The following IGFALS variants were observed in gnomAD, a reference collection of about 807,000 sequenced individuals.
The protein encoded by IGFALS is insulin like growth factor binding protein acid labile subunit, also known as insulin-like growth factor-binding protein complex acid labile subunit.
IGFALS carries 2 observed loss-of-function variants against 2.6 expected under a neutral mutation model. The observed-to-expected ratio is 0.77, with a 90% CI of 0.32 to 2.44. The LOEUF (loss-of-function observed/expected upper bound fraction) is 2.44. IGFALS is among the 30% of genes most tolerant of loss of function. The pLI, the probability that IGFALS is intolerant of heterozygous loss-of-function variation, is 0.11. For missense variants in IGFALS, 996 were observed against 848.7 expected, an observed-to-expected ratio of 1.17 and a Z score of -2.16; for synonymous variants, 519 against 431.9, an observed-to-expected ratio of 1.20 and a Z score of -2.50.
In IGFALS at chr16:1,793,693, G is replaced by A; in HGVS notation, c.-41C>T. The A allele has an allele frequency of 6.4e-7, 1 of 1,571,398 alleles. No individual in the cohort carries two copies. The highest frequency in any genetic ancestry group is 8.6e-7 in the Non-Finnish European group (1 of 1,157,088). ...GGCTGCAGGCAGGCAGCGAGGGAGGGTACGTCTGCTGTGCCGGCCACCCCT... is the reference window on the plus strand; with the variant it reads ...GGCTGCAGGCAGGCAGCGAGGGAGGATACGTCTGCTGTGCCGGCCACCCCT... On this transcript the variant is annotated 5_prime_UTR_variant, in exon 1 of 2. Coordinates refer to ENST00000215539, the MANE Select transcript of IGFALS (RefSeq NM_004970.3).
chr16:1,790,420 C>G lies in IGFALS; in HGVS notation c.*180G>C, dbSNP rs112325769. The G allele has an allele frequency of 9.0e-6, 6 of 664,672 alleles. No homozygotes were observed. Among genetic ancestry groups the G allele is most frequent in the African/African-American group, 3.5e-5 (2 of 56,402 alleles). The allele number at this position is 664,672 out of a possible 1,614,324, so 41.2% of individuals were successfully genotyped here. On this transcript the variant is annotated 3_prime_UTR_variant, in exon 2 of 2. Transcript: ENST00000215539. ...AGTCACCCACTGTGCCTGTTAGATT[C>G]GATTGCCTTTGCCTTTAATTGATGA...
At chr16:1,794,819 A>G (rs544111874), upstream of IGFALS, 201 of 701,922 alleles carry the variant, frequency 2.9e-4, no homozygotes, top group African/African-American at 3.0e-3. Context: ...GCCCTACCCC[A>G]TCCTCAGCTC....
At chr16:1,792,422 G>A in intron 1 of IGFALS, 21 bp from the exon 2 acceptor site, 3 of 1,533,158 alleles carry the variant, frequency 2.0e-6, no homozygotes, top group Non-Finnish European at 2.6e-6. Context: ...AGAGGCTTGG[G>A]GAGGCGGCCC....
Position 1,791,794 on chromosome 16 carries a change from G to A in IGFALS, c.624C>T (p.Tyr208=). 2 of 1,548,924 alleles carry A rather than the reference G, an allele frequency of 1.3e-6. No homozygotes were observed. The highest frequency in any genetic ancestry group is 1.7e-6 in the Non-Finnish European group (2 of 1,149,994). Residue 208 remains tyrosine (Y), a synonymous_variant, in exon 2 of 2, where the codon TAC becomes TAT. Transcript: ENST00000215539. ...ELVLAGNRLA[Y]LQPALFSGLA... ...GGCCGCTGAAGAGCGCGGGCTGCAG[G>A]TAGGCCAGCCTGTTGCCCGCCAGCA...
In IGFALS at chr16:1,791,739, T is replaced by C; in HGVS notation, c.679A>G (p.Arg227Gly). The change falls in exon 2 of 2, where the codon AGG (arginine) becomes GGG (glycine). Residue 227 changes from arginine (R) to glycine (G), a missense_variant. Transcript: ENST00000215539. ...GCCTTGATGGCCCGCAGCGCGTTCC[T>C]GCTCAGGTCCAGCTCCCGGAGCTCG... ...LAELRELDLSRNALRAIKANV... is the reference protein window; with the variant it reads ...LAELRELDLSGNALRAIKANV... 1 of 1,553,952 alleles carries C rather than the reference T, an allele frequency of 6.4e-7. No homozygotes were observed. The highest frequency in any genetic ancestry group is 8.7e-7 in the Non-Finnish European group (1 of 1,153,852).
upstream of IGFALS, chr16:1,793,828 C>G: frequency 1.7e-6 from 1 of 571,974 alleles, no homozygotes; most frequent in Non-Finnish European, 3.1e-6. Context: ...CGGCATCAGC[C>G]CGGAGCCCTG....
In IGFALS at chr16:1,791,530, C is replaced by T; in HGVS notation, c.888G>A (p.Arg296=). 6.3e-7 allele frequency: 1 copy of T among 1,591,638 alleles called. No homozygotes were observed. Among genetic ancestry groups the T allele is most frequent in the Non-Finnish European group, 8.5e-7 (1 of 1,170,384 alleles). The change falls in exon 2 of 2, where the codon CGG becomes CGA. Residue 296 remains arginine (R), a synonymous_variant. Coordinates refer to ENST00000215539, the MANE Select transcript of IGFALS (RefSeq NM_004970.3). Reference sequence around the variant, plus strand: ...GGCTGGCGATGGCGTTGTGGGACAGCCGCAGCACACGCAGGCCCAGCAGAC... The same window carrying T: ...GGCTGGCGATGGCGTTGTGGGACAGTCGCAGCACACGCAGGCCCAGCAGAC... The part of the protein sequence containing the change: ...FPGLLGLRVL[R]LSHNAIASLR...
chr16:1,794,664 C>T (rs1427295517), upstream of IGFALS, among the ~76,000 whole-genome samples: 1 of 152,210 alleles, frequency 6.6e-6, no homozygotes, highest in Admixed American at 6.5e-5. Context: ...AGCCCCTCCC[C>T]TCCAGGTCCC....
At position 1,793,309 on chromosome 16, in the gene IGFALS, C is replaced by A. The variant is rs908150029; in HGVS notation, c.16+328G>T. Among the ~76,000 whole-genome samples, 16 of 152,228 alleles carry A rather than the reference C, an allele frequency of 1.1e-4. No individual in the cohort carries two copies. The East Asian group carries it at 2.3e-3, about 22-fold the overall frequency. On this transcript the variant is annotated intron_variant, in intron 1 of 1. Transcript: ENST00000215539. ...GCCAACGTCTCCTGCCTGGGCCGGG[C>A]CCACAACGCGGGCCGTGCGGGGCAC... is the stretch of plus-strand genomic sequence containing the variant.
Position 1,791,753 on chromosome 16 carries a change from T to C in IGFALS, c.665A>G (p.Glu222Gly). 6.5e-7 allele frequency: 1 copy of C among 1,550,380 alleles called. No individual in the cohort carries two copies. Among genetic ancestry groups the C allele is most frequent in the Non-Finnish European group, 8.7e-7 (1 of 1,151,916 alleles). ...ALFSGLAELR[E>G]LDLSRNALRA... Reference sequence around the variant, plus strand: ...CAGCGCGTTCCTGCTCAGGTCCAGCTCCCGGAGCTCGGCCAGGCCGCTGAA... The same window carrying C: ...CAGCGCGTTCCTGCTCAGGTCCAGCCCCCGGAGCTCGGCCAGGCCGCTGAA... Residue 222 changes from glutamate to glycine, a missense_variant, in exon 2 of 2, where the codon GAG (glutamate) becomes GGG (glycine). Coordinates refer to ENST00000215539, the MANE Select transcript of IGFALS (RefSeq NM_004970.3).
At position 1,793,683 on chromosome 16, in the gene IGFALS, G is replaced by A. The variant is rs1328204098; in HGVS notation, c.-31C>T. 1.3e-6 allele frequency: 2 copies of A among 1,580,782 alleles called. No individual in the cohort carries two copies. The highest frequency in any genetic ancestry group is 8.6e-7 in the Non-Finnish European group (1 of 1,162,792). On this transcript the variant is annotated 5_prime_UTR_variant, in exon 1 of 2. Coordinates refer to ENST00000215539, the MANE Select transcript of IGFALS (RefSeq NM_004970.3). ...ATGCAGGGCAGGCTGCAGGCAGGCAGCGAGGGAGGGTACGTCTGCTGTGCC... is the reference window on the plus strand; with the variant it reads ...ATGCAGGGCAGGCTGCAGGCAGGCAACGAGGGAGGGTACGTCTGCTGTGCC...
Position 1,790,918 on chromosome 16 carries a change from G to A in IGFALS, c.1500C>T (p.Ser500=), listed in dbSNP as rs1318537837. The stretch of plus-strand genomic sequence containing the variant: ...GCAGCCGCCCCAGTGGTGCCAAGAG[G>A]CTGTTGGGCAATGCCTCCAGGCGGT... ...SHNRLEALPN[S]LLAPLGRLRY... The change falls in exon 2 of 2, where the codon AGC becomes AGT. Residue 500 remains serine, a synonymous_variant. Coordinates refer to ENST00000215539, the MANE Select transcript of IGFALS (RefSeq NM_004970.3). 5.7e-6 allele frequency: 9 copies of A among 1,590,228 alleles called. No individual in the cohort carries two copies. Among genetic ancestry groups the A allele is most frequent in the Non-Finnish European group, 7.7e-6 (9 of 1,174,584 alleles).
At position 1,791,360 on chromosome 16, in the gene IGFALS, A is replaced by G; in HGVS notation, c.1058T>C (p.Val353Ala). The change falls in exon 2 of 2, where the codon GTC becomes GCC. Residue 353 changes from valine (V) to alanine (A), a missense_variant. By Grantham distance (64) the Val-to-Ala change is moderately conservative. Transcript: ENST00000215539. ...LTLDHNQLQE[V>A]KAGAFLGLTN... Reference sequence around the variant, plus strand: ...GAGGCCGAGGAAAGCGCCCGCCTTGACCTCCTGGAGCTGGTTGTGGTCTAG... The same window carrying G: ...GAGGCCGAGGAAAGCGCCCGCCTTGGCCTCCTGGAGCTGGTTGTGGTCTAG... 1 of 1,608,698 alleles carries G rather than the reference A, an allele frequency of 6.2e-7. No homozygotes were observed. The highest frequency in any genetic ancestry group is 1.1e-5 in the South Asian group (1 of 91,066).
rs1352546529 is a variant in IGFALS, at chr16:1,790,932, C to A, written c.1486G>T (p.Ala496Ser). The A allele has an allele frequency of 1.3e-6, 2 of 1,593,108 alleles. No individual in the cohort carries two copies. Among genetic ancestry groups the A allele is most frequent in the Admixed American group, 1.7e-5 (1 of 58,722 alleles). ...WLDVSHNRLE[A>S]LPNSLLAPLG... Reference sequence around the variant, plus strand: ...GGTGCCAAGAGGCTGTTGGGCAATGCCTCCAGGCGGTTGTGCGAGACGTCC... The same window carrying A: ...GGTGCCAAGAGGCTGTTGGGCAATGACTCCAGGCGGTTGTGCGAGACGTCC... The change falls in exon 2 of 2, where the codon GCA becomes TCA. Residue 496 changes from alanine (A) to serine (S), a missense_variant. By Grantham distance (99) the Ala-to-Ser change is moderately conservative (BLOSUM62 1). Coordinates refer to ENST00000215539, the MANE Select transcript of IGFALS (RefSeq NM_004970.3).
rs764871476 is a variant in IGFALS, at chr16:1,791,329, G to A, written c.1089C>T (p.Asn363=). The A allele has an allele frequency of 3.6e-5, 58 of 1,608,380 alleles. No individual in the cohort carries two copies. Among genetic ancestry groups the A allele is most frequent in the African/African-American group, 1.7e-4 (13 of 74,930 alleles). ...VKAGAFLGLT[N]VAVMNLSGNC... Reference sequence around the variant, plus strand: ...TCCCAGAGAGGTTCATGACCGCCACGTTGGTGAGGCCGAGGAAAGCGCCCG... The same window carrying A: ...TCCCAGAGAGGTTCATGACCGCCACATTGGTGAGGCCGAGGAAAGCGCCCG... The change falls in exon 2 of 2, where the codon AAC becomes AAT. Residue 363 remains asparagine, a synonymous_variant. Transcript: ENST00000215539.
Position 1,790,538 on chromosome 16 carries a change from G to C in IGFALS, c.*62C>G, listed in dbSNP as rs1026392833. On this transcript the variant is annotated 3_prime_UTR_variant, in exon 2 of 2. Coordinates refer to ENST00000215539, the MANE Select transcript of IGFALS (RefSeq NM_004970.3). Reference sequence around the variant, plus strand: ...AGGCCCCTGAGGACACTGAGGACCTGTCCCCAGCACAAGGTGAGCCAGGTG... The same window carrying C: ...AGGCCCCTGAGGACACTGAGGACCTCTCCCCAGCACAAGGTGAGCCAGGTG... The C allele has an allele frequency of 3.5e-6, 5 of 1,408,856 alleles. No individual in the cohort carries two copies. Among genetic ancestry groups the C allele is most frequent in the Non-Finnish European group, 3.9e-6 (4 of 1,021,864 alleles). 87.3% of individuals were successfully genotyped at this position (1,408,856 alleles called of 1,614,324 possible).
chr16:1,791,842 G>C lies in IGFALS; in HGVS notation c.576C>G (p.Gly192=), dbSNP rs1368130866. Residue 192 remains glycine (G), a synonymous_variant, in exon 2 of 2, where the codon GGC becomes GGG. Coordinates refer to ENST00000215539, the MANE Select transcript of IGFALS (RefSeq NM_004970.3). ...LAVLPDAAFR[G]LGSLRELVLA... is the part of the protein sequence containing the mutation. ...GCACCAGCTCGCGCAGGCTGCCCAG[G>C]CCGCGGAACGCCGCATCGGGGAGCA... is the stretch of plus-strand genomic sequence containing the variant. The C allele has an allele frequency of 1.3e-6, 2 of 1,550,688 alleles. No individual in the cohort carries two copies. The highest frequency in any genetic ancestry group is 2.4e-5 in the East Asian group (1 of 41,152).
chr16:1,794,736 TGTGCAGGGAAGCAGCCGGAAGGG>T, upstream of IGFALS: 3 of 659,324 alleles, frequency 4.6e-6, no homozygotes. Flanking sequence ...AGTGGGAAAG[TGTGCAGGGAAGCAGCCGGAAGGG>T]GTGCAGGCGG....
chr16:1,792,939 G>T (rs143008659), intron 1 of IGFALS, among the ~76,000 whole-genome samples: 2,437 of 152,354 alleles, frequency 0.016, 58 homozygotes, highest in Non-Finnish European at 0.017. Flanking sequence ...GCCTTGGTCG[G>T]GTGCTGCGGG....
Sources: allele counts gnomAD v4.1 joint callset (sites outside exome capture counted in the v4.1 genomes callset), GRCh38; gene constraint gnomAD v4.1.1; transcripts MANE v1.5; gene names NCBI Gene and HGNC (gene_info 2026-07-23, HGNC 2026-07-21).